The following MALT1 variants were observed in gnomAD, a reference collection of about 807,000 sequenced individuals.
The protein encoded by MALT1 is MALT1 paracaspase.
MALT1 carries 36 observed loss-of-function variants against 85.5 expected under a neutral mutation model. The ratio of observed to expected loss-of-function variants is 0.42; its 90% CI spans 0.32 to 0.56. MALT1 has a LOEUF of 0.56. Ranked by LOEUF, MALT1 falls within the 20% of genes least tolerant of loss-of-function variation. The probability of loss-of-function intolerance (pLI) is 0.10; values close to 1 mark genes in which losing one functional copy is unlikely to be tolerated. For synonymous variants in MALT1, 359 were observed against 361.3 expected, an observed-to-expected ratio of 0.99 and a Z score of 0.07; for missense variants, 716 against 981.6, an observed-to-expected ratio of 0.73 and a Z score of 3.62.
At chr18:58,702,925 A>G (rs757975368) in intron 4 of MALT1, among the ~76,000 whole-genome samples, 3 of 152,234 alleles carry the variant, frequency 2.0e-5, no homozygotes, top group Non-Finnish European at 4.4e-5. Flanking sequence ...GTCAAGAACC[A>G]TGTTCTTTGT....
chr18:58,695,546 TAATG>T (rs1388857790), intron 2 of MALT1, among the ~76,000 whole-genome samples: 1 of 152,248 alleles, frequency 6.6e-6, no homozygotes, highest in African/African-American at 2.4e-5. Flanking sequence ...TACTAAATAA[TAATG>T]CAGTCATTTG....
chr18:58,736,666 T>C (rs989937308), intron 13 of MALT1, among the ~76,000 whole-genome samples: 13 of 152,208 alleles, frequency 8.5e-5, no homozygotes, highest in Admixed American at 6.5e-4. Context: ...GCTGTGAGGA[T>C]ATTTGAACTT....
chr18:58,687,958 A>G (rs1288465564), intron 2 of MALT1, among the ~76,000 whole-genome samples: 1 of 152,200 alleles, frequency 6.6e-6, no homozygotes, highest in African/African-American at 2.4e-5. Context: ...TTCTTTGTAG[A>G]TGTTATCTGA....
At position 58,736,000 on chromosome 18, in the gene MALT1, T is replaced by G. The variant is rs1291505475; in HGVS notation, c.1603+671T>G. On this transcript the variant is annotated intron_variant, in intron 13 of 16. Coordinates refer to ENST00000649217, the MANE Select transcript of MALT1 (RefSeq NM_006785.4). ...TTTATAAGCCATAGCAAAAAGAAGGTAACTTGGCCAGGTATGGTGGCTCAA... is the reference window on the plus strand; with the variant it reads ...TTTATAAGCCATAGCAAAAAGAAGGGAACTTGGCCAGGTATGGTGGCTCAA... 2.6e-5 allele frequency among the ~76,000 whole-genome samples: 4 copies of G among 152,170 alleles called. No individual in the cohort carries two copies. The Middle Eastern group carries it at 0.01, about 388-fold the overall frequency.
intron 11 of MALT1, chr18:58,734,086 C>A: frequency 7.5e-7 from 1 of 1,328,928 alleles, no homozygotes; most frequent in Non-Finnish European, 9.6e-7. Flanking sequence ...CAATCAAAAT[C>A]CAATGCCAGA....
chr18:58,741,991 A>C lies in MALT1; in HGVS notation c.1730A>C (p.Asn577Thr), dbSNP rs1288772521. 23 of 1,541,866 alleles carry C rather than the reference A, an allele frequency of 1.5e-5. No individual in the cohort carries two copies. Among genetic ancestry groups the C allele is most frequent in the Non-Finnish European group, 2.0e-5 (23 of 1,128,216 alleles). The part of the protein sequence containing the change: ...TEYSAESLVR[N>T]LQWAKAHELP... ...TATTCTGCTGAATCTCTTGTGCGGA[A>C]TCTACAGTGGGCCAAGGCTCATGGT... Residue 577 changes from asparagine (N) to threonine (T), a missense_variant, in exon 14 of 17, where the codon AAT (asparagine) becomes ACT (threonine). Physicochemically the swap from Asn to Thr is moderately conservative, Grantham distance 65. This residue lies in a region of MALT1 where 260 missense variants were observed against 323.7 expected (regional missense o/e 0.80). Transcript: ENST00000649217.
intron 1 of MALT1, among the ~76,000 whole-genome samples, chr18:58,679,838 C>T (rs763377193): frequency 2.2e-4 from 33 of 152,166 alleles, no homozygotes; most frequent in African/African-American, 7.5e-4. Context: ...TGTGAGCCAC[C>T]GTGCCCAGCC....
rs533353267 is a variant in MALT1, at chr18:58,700,626, G to T, written c.649+35G>T. 3 of 1,537,806 alleles carry T rather than the reference G, an allele frequency of 2.0e-6. No homozygotes were observed. The South Asian group carries it at 3.8e-5, about 19-fold the overall frequency. On this transcript the variant is annotated intron_variant, in intron 4 of 16. Coordinates refer to ENST00000649217, the MANE Select transcript of MALT1 (RefSeq NM_006785.4). ...GAAAGAAGCTGAATGTTGGGATGGG[G>T]ATTCCCCATATTTTATTTTATTTTA...
intron 2 of MALT1, among the ~76,000 whole-genome samples, chr18:58,686,725 T>A (rs2054410125): frequency 6.6e-6 from 1 of 152,244 alleles, no homozygotes; most frequent in African/African-American, 2.4e-5. Context: ...TACGCATTGT[T>A]ATGTTTTGGC....
intron 1 of MALT1, among the ~76,000 whole-genome samples, chr18:58,680,284 A>G (rs565082693): frequency 6.6e-6 from 1 of 152,326 alleles, no homozygotes; most frequent in African/African-American, 2.4e-5. Context: ...CCTTGTTAAT[A>G]CAAATAGTAG....
Position 58,741,905 on chromosome 18 carries a change from A to G in MALT1, c.1644A>G (p.Leu548=), listed in dbSNP as rs560572575. The G allele has an allele frequency of 1.3e-6, 2 of 1,562,846 alleles. No individual in the cohort carries two copies. Among genetic ancestry groups the G allele is most frequent in the African/African-American group, 1.3e-5 (1 of 74,602 alleles). ...ACCTTACCAAAGGCAAACAGGCTCT[A>G]GAGATTCGAAGTAGTTTATCTGAGA... The part of the protein sequence containing the change: ...KCHLTKGKQA[L]EIRSSLSEKR... Residue 548 remains leucine, a synonymous_variant, in exon 14 of 17, where the codon CTA becomes CTG. Transcript: ENST00000649217.
At position 58,726,878 on chromosome 18, in the gene MALT1, C is replaced by A. The variant is rs147329250; in HGVS notation, c.1222+3627C>A. 5.9e-5 allele frequency among the ~76,000 whole-genome samples: 9 copies of A among 152,282 alleles called. No homozygotes were observed. In the East Asian group the frequency reaches 1.7e-3, roughly 29 times the overall value. On this transcript the variant is annotated intron_variant, in intron 10 of 16. Transcript: ENST00000649217. ...GGCAAAAGTGTTATTCGGCCTGCAG[C>A]GGAGCAGCTGTTCAGTTCACATAGC...
Position 58,671,652 on chromosome 18 carries a change from G to A in MALT1, c.9G>A (p.Leu3=). Residue 3 remains leucine, a synonymous_variant, in exon 1 of 17, where the codon CTG becomes CTA. Transcript: ENST00000649217. The stretch of plus-strand genomic sequence containing the variant: ...GGTCGCCGGCGAGGGCCATGTCGCT[G>A]TTGGGGGACCCGCTACAGGCCCTGC... MS[L]LGDPLQALPP... 1 of 1,218,718 alleles carries A rather than the reference G, an allele frequency of 8.2e-7. No homozygotes were observed. Among genetic ancestry groups the A allele is most frequent in the Non-Finnish European group, 1.0e-6 (1 of 979,602 alleles). The allele number at this position is 1,218,718 out of a possible 1,614,324, so 75.5% of individuals were successfully genotyped here. A position where few individuals can be genotyped will look rare whatever the true frequency, so the allele number is the denominator to read the frequency against.
intron 4 of MALT1, among the ~76,000 whole-genome samples, chr18:58,705,166 T>C (rs983042864): frequency 2.0e-5 from 3 of 152,186 alleles, no homozygotes; most frequent in Non-Finnish European, 4.4e-5. Flanking sequence ...TAGTAAACCT[T>C]CTACATATTC....
At chr18:58,747,383 A>G in intron 16 of MALT1, 22 bp from the exon 17 acceptor site, 5 of 1,527,954 alleles carry the variant, frequency 3.3e-6, no homozygotes, top group Non-Finnish European at 4.5e-6. Context: ...CCAATAATAA[A>G]CCAGATTTTT....
rs1305817726 is a variant in MALT1, at chr18:58,752,295, T to A, written c.*4453T>A. 1 of 152,158 alleles carries A rather than the reference T, an allele frequency of 6.6e-6. No homozygotes were observed. Among genetic ancestry groups the A allele is most frequent in the Non-Finnish European group, 1.5e-5 (1 of 68,026 alleles). 9.4% of individuals were successfully genotyped at this position (152,158 alleles called of 1,614,324 possible). A position where few individuals can be genotyped will look rare whatever the true frequency, so the allele number is the denominator to read the frequency against. Reference sequence around the variant, plus strand: ...CTAGATAAAATCTGATGTATGTAATTTTACTTTTAAGGGTTTTTTTCCAAA... The same window carrying A: ...CTAGATAAAATCTGATGTATGTAATATTACTTTTAAGGGTTTTTTTCCAAA... On this transcript the variant is annotated 3_prime_UTR_variant, in exon 17 of 17. Transcript: ENST00000649217.
intron 1 of MALT1, among the ~76,000 whole-genome samples, chr18:58,680,263 T>C (rs1039043847): frequency 6.6e-6 from 1 of 152,346 alleles, no homozygotes; most frequent in African/African-American, 2.4e-5. Context: ...AATACACACA[T>C]AGACATACTA....
At chr18:58,736,442 TA>T (rs34656371) in intron 13 of MALT1, among the ~76,000 whole-genome samples, 15,674 of 145,074 alleles carry the variant, frequency 0.11, 993 homozygotes, top group Admixed American at 0.17. Context: ...TCTGCTGCTT[TA>T]AAAAAAAAAA....
chr18:58,705,289 CGTGTGTGTGTGTGTGTGTGTGT>C (rs59890170), intron 4 of MALT1, among the ~76,000 whole-genome samples: 1 of 146,998 alleles, frequency 6.8e-6, no homozygotes, highest in Non-Finnish European at 1.5e-5. Context: ...TGTAAAAGTA[CGTGTGTGTGTGTGTGTGTGTGT>C]GTGTGTGTGT....
Sources: allele counts gnomAD v4.1 joint callset (sites outside exome capture counted in the v4.1 genomes callset), GRCh38; gene constraint gnomAD v4.1.1; regional missense constraint gnomAD v4.1.1; transcripts MANE v1.5; gene names NCBI Gene and HGNC (gene_info 2026-07-23, HGNC 2026-07-21).